The following ZFPM2 variants were observed in gnomAD, a reference collection of about 807,000 sequenced individuals.
ZFPM2 encodes the protein zinc finger protein ZFPM2.
A neutral mutation model predicts 98.6 loss-of-function variants in ZFPM2; 20 were observed. The observed-to-expected ratio is 0.20, with a 90% CI of 0.14 to 0.29. The LOEUF is 0.29. Ranked by LOEUF, ZFPM2 falls within the 10% of genes least tolerant of loss-of-function variation. The pLI is 1.00. For synonymous variants in ZFPM2, 518 were observed against 502.7 expected (o/e 1.03, Z -0.41); for missense variants, 1,310 against 1,388.6 (o/e 0.94, Z 0.90).
chr8:105,690,349 G>A lies in ZFPM2; in HGVS notation c.532+55992G>A, dbSNP rs117261255. ...CTCAGAATAAGCCAGTGCTGTTATC[G>A]TTCTCACTTAACAATTGAGGAAACA... On this transcript the variant is annotated intron_variant, in intron 5 of 7. Transcript: ENST00000407775. Among the ~76,000 whole-genome samples, 302 of 152,272 alleles carry A rather than the reference G, an allele frequency of 2.0e-3. 1 individual carries two copies. The highest frequency in any genetic ancestry group is 5.0e-3 in the South Asian group (24 of 4,820).
At chr8:105,503,900 T>G (rs1230195523) in intron 3 of ZFPM2, among the ~76,000 whole-genome samples, 2 of 152,196 alleles carry the variant, frequency 1.3e-5, no homozygotes, top group East Asian at 3.9e-4. Flanking sequence ...AGTAGAAGAA[T>G]TTTAAGGTTT....
intron 1 of ZFPM2, among the ~76,000 whole-genome samples, chr8:105,347,324 T>G (rs1812558347): frequency 6.6e-6 from 1 of 152,184 alleles, no homozygotes; most frequent in African/African-American, 2.4e-5. Context: ...AAAACCTTAT[T>G]TTTTTCATAG....
intron 3 of ZFPM2, among the ~76,000 whole-genome samples, chr8:105,498,898 G>A (rs968556039): frequency 6.6e-6 from 1 of 152,186 alleles, no homozygotes; most frequent in Non-Finnish European, 1.5e-5. Context: ...TCTGTCTCAT[G>A]GGAGCTGCAT....
chr8:105,593,663 A>G (rs1297564954), intron 4 of ZFPM2, among the ~76,000 whole-genome samples: 1 of 151,882 alleles, frequency 6.6e-6, no homozygotes, highest in Non-Finnish European at 1.5e-5. Context: ...AAAAAAAAAA[A>G]AAAAGGAAAT....
At chr8:105,734,813 G>A (rs1467971940) in intron 5 of ZFPM2, among the ~76,000 whole-genome samples, 2 of 151,420 alleles carry the variant, frequency 1.3e-5, no homozygotes, top group African/African-American at 4.8e-5. Flanking sequence ...CTTTTTTTGT[G>A]TTCCTGTAAA....
intron 1 of ZFPM2, among the ~76,000 whole-genome samples, chr8:105,401,258 TC>T: frequency 1.3e-5 from 2 of 152,066 alleles, no homozygotes; most frequent in South Asian, 4.1e-4. Flanking sequence ...CATTCTTCCT[TC>T]AGTCATTTTT....
intron 5 of ZFPM2, among the ~76,000 whole-genome samples, chr8:105,644,923 A>G (rs1485113111): frequency 6.6e-6 from 1 of 152,194 alleles, no homozygotes; most frequent in South Asian, 2.1e-4. Flanking sequence ...GAGTTCCAAC[A>G]TATACATTTT....
chr8:105,764,265 C>CTCTT (rs1422022392), intron 5 of ZFPM2, among the ~76,000 whole-genome samples: 1 of 140,334 alleles, frequency 7.1e-6, no homozygotes, highest in East Asian at 2.1e-4. Flanking sequence ...AACTCTCTCT[C>CTCTT]TCTTTCTCTC....
chr8:105,784,479 A>T lies in ZFPM2; in HGVS notation c.533-4239A>T, dbSNP rs1813354439. 1.4e-5 allele frequency among the ~76,000 whole-genome samples: 2 copies of T among 146,044 alleles called. 1 individual carries two copies. Among genetic ancestry groups the T allele is most frequent in the African/African-American group, 5.6e-5 (2 of 35,578 alleles). On this transcript the variant is annotated intron_variant, in intron 5 of 7. Transcript: ENST00000407775. ...GTGAGATTTCTTTCCTCTTGGATTT[A>T]GCAGGGCAGTAAGAAATGAGAAATG... is the stretch of plus-strand genomic sequence containing the variant.
intron 3 of ZFPM2, among the ~76,000 whole-genome samples, chr8:105,510,409 T>G (rs534552912): frequency 0.015 from 2,144 of 144,704 alleles, 31 homozygotes; most frequent in Middle Eastern, 0.022. Flanking sequence ...TTTTTTTTTT[T>G]TTTGTTTGTT....
chr8:105,444,524 T>A, intron 3 of ZFPM2, 143 bp downstream of exon 3: 1 of 478,456 alleles, frequency 2.1e-6, no homozygotes, highest in Non-Finnish European at 3.6e-6. Context: ...GATTATTATT[T>A]TAAAAATACT....
At chr8:105,408,963 C>T (rs1205233045) in intron 1 of ZFPM2, among the ~76,000 whole-genome samples, 1 of 151,804 alleles carries the variant, frequency 6.6e-6, no homozygotes, top group Admixed American at 6.6e-5. Context: ...CCTGTAAAAT[C>T]CCACAGACTA....
intron 5 of ZFPM2, among the ~76,000 whole-genome samples, chr8:105,747,887 G>T (rs1812385020): frequency 1.3e-5 from 2 of 152,054 alleles, no homozygotes; most frequent in Non-Finnish European, 1.5e-5. Flanking sequence ...GTGTGGTATG[G>T]CTTAATATTT....
intron 3 of ZFPM2, among the ~76,000 whole-genome samples, chr8:105,530,650 A>C (rs1814278266): frequency 6.6e-6 from 1 of 152,168 alleles, no homozygotes; most frequent in African/African-American, 2.4e-5. Flanking sequence ...TTAGGACACA[A>C]ATCTTATTGG....
intron 2 of ZFPM2, among the ~76,000 whole-genome samples, chr8:105,435,632 C>T (rs1024154988): frequency 4.0e-5 from 6 of 150,294 alleles, no homozygotes; most frequent in Non-Finnish European, 5.9e-5. Context: ...TCTAGAGTAC[C>T]GATTTCAAAC....
At chr8:105,727,796 G>T (rs755810529) in intron 5 of ZFPM2, among the ~76,000 whole-genome samples, 15 of 151,768 alleles carry the variant, frequency 9.9e-5, no homozygotes, top group South Asian at 8.3e-4. Flanking sequence ...AGATAGAAAG[G>T]AAGGAAGTTA....
intron 3 of ZFPM2, among the ~76,000 whole-genome samples, chr8:105,453,994 A>G (rs761615124): frequency 6.6e-4 from 100 of 152,174 alleles, no homozygotes; most frequent in Admixed American, 1.1e-3. Flanking sequence ...ACAAATATCA[A>G]TATAACACAT....
intron 1 of ZFPM2, among the ~76,000 whole-genome samples, chr8:105,323,373 A>G (rs567121783): frequency 1.3e-5 from 2 of 151,974 alleles, no homozygotes; most frequent in South Asian, 4.1e-4. Flanking sequence ...AATTGAATAT[A>G]ATGCAAAATA....
At chr8:105,757,307 G>A (rs949393868) in intron 5 of ZFPM2, among the ~76,000 whole-genome samples, 1 of 152,040 alleles carries the variant, frequency 6.6e-6, no homozygotes, top group Non-Finnish European at 1.5e-5. Context: ...ACTCTGTAAT[G>A]ACCAAAATGC....
Sources: gnomAD v4.1 joint callset for allele counts (sites outside exome capture counted in the v4.1 genomes callset) on GRCh38, gnomAD v4.1.1 for gene constraint, MANE v1.5 for transcripts, NCBI Gene and HGNC (gene_info 2026-07-23, HGNC 2026-07-21) for gene names.